P3H3: variants seen among roughly 807,000 people sequenced by gnomAD.
The protein encoded by P3H3 is gene rich cluster, B.
A neutral mutation model predicts 78.1 loss-of-function variants in P3H3; 64 were observed. The observed-to-expected ratio is 0.82, with a 90% CI of 0.67 to 1.01. P3H3 has a LOEUF of 1.01. Among genes scored for constraint, P3H3 ranks in the 50% least tolerant of loss-of-function variants. The pLI is 0.00. For synonymous variants in P3H3, 425 were observed against 416.7 expected (o/e 1.02, Z -0.24); for missense variants, 975 against 982.2 (o/e 0.99, Z 0.10).
At chr12:6,832,555 T>C (rs1158201684) in intron 6 of P3H3, among the ~76,000 whole-genome samples, 1 of 152,168 alleles carries the variant, frequency 6.6e-6, no homozygotes, top group African/African-American at 2.4e-5. Flanking sequence ...GTGTCCTGCT[T>C]GAGAACGACT....
chr12:6,830,696 G>GCCCTGGTC lies in P3H3; in HGVS notation c.912_919dup (p.Arg307ProfsTer16). 1 of 1,613,770 alleles carries GCCCTGGTC rather than the reference G, an allele frequency of 6.2e-7. No homozygotes were observed. The highest frequency in any genetic ancestry group is 8.5e-7 in the Non-Finnish European group (1 of 1,179,798). On this transcript the variant is annotated frameshift_variant, in exon 4 of 15. Transcript: ENST00000290510. LOFTEE classifies it high-confidence loss of function. ...CGCTGTGTGGGGGAAACAGCCACAC[G>GCCCTGGTC]CCCTGGTCGCAGCTTCCCTGTCCCA...
Position 6,829,742 on chromosome 12 carries a change from A to G in P3H3, c.499-117A>G. ...GGCGGTTCTGATTGGCCAGTCTTCC[A>G]TGAGGCTCTGGGGCACCCAGAGTGT... On this transcript the variant is annotated intron_variant, in intron 1 of 14. Transcript: ENST00000290510. This position sits in a 1 kb window ranked among gnomAD's most constrained non-coding sequence, Gnocchi z 5.1. The G allele has an allele frequency of 9.0e-7, 1 of 1,105,840 alleles. No individual in the cohort carries two copies. Among genetic ancestry groups the G allele is most frequent in the Non-Finnish European group, 1.3e-6 (1 of 746,978 alleles). The allele number at this position is 1,105,840 out of a possible 1,614,324, so 68.5% of individuals were successfully genotyped here. A position where few individuals can be genotyped will look rare whatever the true frequency, so the allele number is the denominator to read the frequency against.
At position 6,828,690 on chromosome 12, in the gene P3H3, G is replaced by A. The variant is rs1383963695; in HGVS notation, c.250G>A (p.Asp84Asn). Reference sequence around the variant, plus strand: ...GGATTGCGGGGCGAGCTGCGCGGCCGATCCGGGCGCCGCGCTCCCCGCCGT... The same window carrying A: ...GGATTGCGGGGCGAGCTGCGCGGCCAATCCGGGCGCCGCGCTCCCCGCCGT... The part of the protein sequence containing the change: ...RLDCGASCAA[D>N]PGAALPAVLL... The change falls in exon 1 of 15, where the codon GAT (aspartate) becomes AAT (asparagine). Residue 84 changes from aspartate to asparagine, a missense_variant. Physicochemically the swap from Asp to Asn is conservative, Grantham distance 23 (BLOSUM62 1). Coordinates refer to ENST00000290510, the MANE Select transcript of P3H3 (RefSeq NM_014262.5). The A allele has an allele frequency of 8.0e-7, 1 of 1,242,768 alleles. No individual in the cohort carries two copies. Among genetic ancestry groups the A allele is most frequent in the Admixed American group, 4.3e-5 (1 of 23,514 alleles). 77.0% of individuals were successfully genotyped at this position (1,242,768 alleles called of 1,614,324 possible). A position where few individuals can be genotyped will look rare whatever the true frequency, so the allele number is the denominator to read the frequency against.
intron 3 of P3H3, 21 bp from the exon 4 acceptor site, chr12:6,830,618 G>T (rs1555121229): frequency 1.9e-6 from 3 of 1,605,566 alleles, no homozygotes. Flanking sequence ...AAGCTGAATG[G>T]CTTATGGGTT....
At position 6,831,915 on chromosome 12, in the gene P3H3, G is replaced by A. The variant is rs782676458; in HGVS notation, c.1212+1G>A. 1.3e-6 allele frequency: 2 copies of A among 1,571,914 alleles called. No homozygotes were observed. The highest frequency in any genetic ancestry group is 1.7e-6 in the Non-Finnish European group (2 of 1,145,420). The stretch of plus-strand genomic sequence containing the variant: ...CCTGGGGACCAGCTTCAAGGATCCT[G>A]TGAGTCACTCCACTTCTGCCCATCT... On this transcript the variant is annotated splice_donor_variant, in intron 6 of 14. Transcript: ENST00000290510. LOFTEE classifies it high-confidence loss of function. The surrounding 1 kb of genome is among the most constrained non-coding windows in gnomAD (Gnocchi z 4.6).
intron 9 of P3H3, among the ~76,000 whole-genome samples, chr12:6,836,395 C>G (rs2137966129): frequency 6.6e-6 from 1 of 152,136 alleles, no homozygotes; most frequent in South Asian, 2.1e-4. Context: ...TGTAGACATC[C>G]AGATATTAGG....
intron 6 of P3H3, 88 bp downstream of exon 6, chr12:6,832,002 C>T (rs1943455245): frequency 2.6e-6 from 2 of 756,948 alleles, no homozygotes; most frequent in Non-Finnish European, 4.6e-6. Context: ...TCCATTTTTC[C>T]ACCATGAGGC....
rs1445832139 is a variant in P3H3, at chr12:6,837,022, G to T, written c.1496G>T (p.Gly499Val). Reference sequence around the variant, plus strand: ...GCTGGAGCCAGGTCTGGCTATCGTGGTCGCCGCTCCCCTCACACCCCCCAT... The same window carrying T: ...GCTGGAGCCAGGTCTGGCTATCGTGTTCGCCGCTCCCCTCACACCCCCCAT... Reference protein sequence around the residue: ...AGAGARSGYRGRRSPHTPHER... With the variant: ...AGAGARSGYRVRRSPHTPHER... The change falls in exon 10 of 15, where the codon GGT (glycine) becomes GTT (valine). Residue 499 changes from glycine (G) to valine (V), a missense_variant. Gly to Val is a moderately radical substitution (Grantham distance 109, BLOSUM62 -3). Coordinates refer to ENST00000290510, the MANE Select transcript of P3H3 (RefSeq NM_014262.5). 28 of 1,609,686 alleles carry T rather than the reference G, an allele frequency of 1.7e-5. No individual in the cohort carries two copies. The highest frequency in any genetic ancestry group is 2.4e-5 in the Non-Finnish European group (28 of 1,179,840).
intron 9 of P3H3, among the ~76,000 whole-genome samples, chr12:6,836,319 T>C (rs1943496401): frequency 6.7e-6 from 1 of 149,522 alleles, no homozygotes; most frequent in Admixed American, 6.7e-5. Context: ...CGTAACTAGA[T>C]AGTGGTGCTT....
intron 13 of P3H3, 46 bp from the exon 14 acceptor site, chr12:6,838,954 C>T (rs1292319093): frequency 3.3e-6 from 5 of 1,522,622 alleles, no homozygotes; most frequent in Non-Finnish European, 4.4e-6. Context: ...GCCAAGTTCT[C>T]TGAGAGAGCC....
Position 6,829,049 on chromosome 12 carries a change from C to A in P3H3, c.498+111C>A. 1.5e-6 allele frequency: 1 copy of A among 669,172 alleles called. No homozygotes were observed. 41.5% of individuals were successfully genotyped at this position (669,172 alleles called of 1,614,324 possible). A position where few individuals can be genotyped will look rare whatever the true frequency, so the allele number is the denominator to read the frequency against. On this transcript the variant is annotated intron_variant, in intron 1 of 14. Transcript: ENST00000290510. The surrounding 1 kb of genome is among the most constrained non-coding windows in gnomAD (Gnocchi z 5.1). ...GCTGTTGCCCGGGCCCCGCACGGGG[C>A]TGGGGAGCGTACCGCGGGCCTCTGC...
rs782805232 is a variant in P3H3 at position 6,838,026 on chromosome 12, C to T, written c.1898C>T (p.Thr633Ile). ...DLFFTEPNALTVTARVRPRCG... is the reference protein window; with the variant it reads ...DLFFTEPNALIVTARVRPRCG... ...TTCTTCACGGAGCCCAACGCCCTCA[C>T]TGTCACGGTGCGTGGAGTGGGGGGT... The change falls in exon 13 of 15, where the codon ACT (threonine) becomes ATT (isoleucine). Residue 633 changes from threonine to isoleucine, a missense_variant. Physicochemically the swap from Thr to Ile is moderately conservative, Grantham distance 89 (BLOSUM62 -1). Coordinates refer to ENST00000290510, the MANE Select transcript of P3H3 (RefSeq NM_014262.5). 1.2e-6 allele frequency: 2 copies of T among 1,603,736 alleles called. No individual in the cohort carries two copies. Among genetic ancestry groups the T allele is most frequent in the Admixed American group, 1.7e-5 (1 of 58,556 alleles).
At chr12:6,830,824 C>T (rs1943443217) in intron 4 of P3H3, 54 bp downstream of exon 4, 1 of 1,609,012 alleles carries the variant, frequency 6.2e-7, no homozygotes, top group Non-Finnish European at 8.5e-7. Flanking sequence ...TGCTGCTATC[C>T]TGAGCTCCAT....
At position 6,837,068 on chromosome 12, in the gene P3H3, G is replaced by C; in HGVS notation, c.1542G>C (p.Thr514=). 4 of 1,604,688 alleles carry C rather than the reference G, an allele frequency of 2.5e-6. No homozygotes were observed. The highest frequency in any genetic ancestry group is 3.4e-6 in the Non-Finnish European group (4 of 1,179,666). Residue 514 remains threonine, a synonymous_variant, in exon 10 of 15, where the codon ACG becomes ACC. Coordinates refer to ENST00000290510, the MANE Select transcript of P3H3 (RefSeq NM_014262.5). ...HTPHERFEGL[T]VLKAAQLARA... The stretch of plus-strand genomic sequence containing the variant: ...CCCATGAACGCTTCGAGGGGCTCAC[G>C]GTGCTTAAGGCTGCGCAGGTGAGCA...
chr12:6,837,747 G>A lies in P3H3; in HGVS notation c.1727G>A (p.Arg576His), dbSNP rs781997100. The A allele has an allele frequency of 1.9e-5, 30 of 1,612,226 alleles. No individual in the cohort carries two copies. Among genetic ancestry groups the A allele is most frequent in the Middle Eastern group, 3.3e-4 (2 of 6,080 alleles). ...TGTGTCCTAGGAGAGCAAGAGCAGC[G>A]CATGGACCTGAGTCACCCAGTGCAC... ...RSAIEGEQEQ[R>H]MDLSHPVHAD... is the part of the protein sequence containing the mutation. The change falls in exon 12 of 15, where the codon CGC (arginine) becomes CAC (histidine). Residue 576 changes from arginine (R) to histidine (H), a missense_variant. Transcript: ENST00000290510.
chr12:6,837,019 G>C lies in P3H3; in HGVS notation c.1493G>C (p.Arg498Pro), dbSNP rs782481170. Residue 498 changes from arginine (R) to proline (P), a missense_variant, in exon 10 of 15, where the codon CGT becomes CCT. Transcript: ENST00000290510. The part of the protein sequence containing the change: ...AAGAGARSGY[R>P]GRRSPHTPHE... The stretch of plus-strand genomic sequence containing the variant: ...GGGGCTGGAGCCAGGTCTGGCTATC[G>C]TGGTCGCCGCTCCCCTCACACCCCC... 6.2e-7 allele frequency: 1 copy of C among 1,609,948 alleles called. No homozygotes were observed. Among genetic ancestry groups the C allele is most frequent in the Non-Finnish European group, 8.5e-7 (1 of 1,179,818 alleles).
rs1943474210 is a variant in P3H3 at position 6,834,067 on chromosome 12, C to T, written c.1458+18C>T. 6.2e-7 allele frequency: 1 copy of T among 1,612,338 alleles called. No individual in the cohort carries two copies. The highest frequency in any genetic ancestry group is 1.3e-5 in the African/African-American group (1 of 74,860). ...TGGCTAAGGTAGGAAGACCTGCAAG[C>T]TCATCAGCTCGTTCAAGACTCTTGG... On this transcript the variant is annotated intron_variant, in intron 9 of 14. Coordinates refer to ENST00000290510, the MANE Select transcript of P3H3 (RefSeq NM_014262.5).
In P3H3 at chr12:6,833,440, G is replaced by A. The variant is rs370126004; in HGVS notation, c.1213-152G>A. The stretch of plus-strand genomic sequence containing the variant: ...ACTTGTTGTTACAGTTTGATCCACT[G>A]CCCAGGGCTCCTGACATTGAGTCCC... On this transcript the variant is annotated intron_variant, in intron 6 of 14. Coordinates refer to ENST00000290510, the MANE Select transcript of P3H3 (RefSeq NM_014262.5). The A allele has an allele frequency of 1.0e-5, 7 of 698,632 alleles. No homozygotes were observed. The East Asian group carries it at 1.6e-4, about 16-fold the overall frequency. 43.3% of individuals were successfully genotyped at this position (698,632 alleles called of 1,614,324 possible).
intron 13 of P3H3, among the ~76,000 whole-genome samples, chr12:6,838,679 T>A (rs1943526148): frequency 6.6e-6 from 1 of 152,054 alleles, no homozygotes; most frequent in South Asian, 2.1e-4. Flanking sequence ...TGGTACTGCA[T>A]GCACAGCCCC....
Sources: allele counts gnomAD v4.1 joint callset (sites outside exome capture counted in the v4.1 genomes callset), GRCh38; gene constraint gnomAD v4.1.1; non-coding constraint Gnocchi (gnomAD v3.1); transcripts MANE v1.5; gene names NCBI Gene and HGNC (gene_info 2026-07-23, HGNC 2026-07-21).